Variants in XRCC3 observed in about 807,000 individuals in gnomAD.
XRCC3 encodes the protein X-ray repair cross complementing 3, also known as DNA repair protein XRCC3.
Under a neutral mutation model 29.2 loss-of-function variants are expected in XRCC3, and 34 were observed. That is an observed-to-expected ratio of 1.16 (90% CI 0.88 to 1.55). The LOEUF (loss-of-function observed/expected upper bound fraction) is 1.55, where lower values mean the gene tolerates loss of function less well. Ranked by LOEUF, XRCC3 falls within the 40% of genes most tolerant of loss-of-function variation. The probability of loss-of-function intolerance (pLI) is 0.00; values close to 1 mark genes in which losing one functional copy is unlikely to be tolerated. For synonymous variants in XRCC3, 223 were observed against 211.3 expected, an observed-to-expected ratio of 1.06 and a Z score of -0.48; for missense variants, 463 against 467.6, an observed-to-expected ratio of 0.99 and a Z score of 0.09.
chr14:103,707,476 C>T (rs1300445047), intron 5 of XRCC3: 1 of 558,808 alleles, frequency 1.8e-6, no homozygotes, highest in Non-Finnish European at 3.2e-6. Flanking sequence ...GGGGCAATTG[C>T]AGCACCAGAC....
At chr14:103,715,088 A>AGGCCGGGGGCGC (rs1282118740) in intron 1 of XRCC3, among the ~76,000 whole-genome samples, 6 of 152,164 alleles carry the variant, frequency 3.9e-5, no homozygotes, top group African/African-American at 4.8e-5. Context: ...AAGGCATCGA[A>AGGCCGGGGGCGC]GGCCGGGGGC....
In XRCC3 at chr14:103,700,454, G is replaced by A. The variant is rs2151917690; in HGVS notation, c.562-878C>T. 3 of 490,534 alleles carry A rather than the reference G, an allele frequency of 6.1e-6. No individual in the cohort carries two copies. The East Asian group carries it at 1.1e-4, about 17-fold the overall frequency. 30.4% of individuals were successfully genotyped at this position (490,534 alleles called of 1,614,324 possible). On this transcript the variant is annotated intron_variant, in intron 7 of 9. Coordinates refer to ENST00000555055, the MANE Select transcript of XRCC3 (RefSeq NM_005432.4). ...GGTGATGGGGGAGGGTGACACAGCT[G>A]CTCCTGGCACCAAGCAGTGTAGTTC...
rs2082855896 is a variant in XRCC3, at chr14:103,699,095, CCTGCA to C, written c.821+33_821+37del. On this transcript the variant is annotated intron_variant, in intron 9 of 9. Coordinates refer to ENST00000555055, the MANE Select transcript of XRCC3 (RefSeq NM_005432.4). ...CTTCGGCCCAGCTGTGCCCCTGGCA[CCTGCA>C]CAGAGGTGCACACACCACATGGCTG... The C allele has an allele frequency of 1.9e-6, 3 of 1,567,102 alleles. 1 individual carries two copies. In the Middle Eastern group the frequency reaches 5.0e-4, roughly 261 times the overall value.
intron 6 of XRCC3, chr14:103,705,051 A>AGATTTG (rs2083385700): frequency 6.6e-6 from 1 of 152,196 alleles, no homozygotes; most frequent in Admixed American, 6.5e-5. Flanking sequence ...AGAATTTCAA[A>AGATTTG]CGTAAAGAAG....
In XRCC3 at chr14:103,707,521, G is replaced by A. The variant is rs183113811; in HGVS notation, c.194-306C>T. 300 of 491,794 alleles carry A rather than the reference G, an allele frequency of 6.1e-4. 1 individual carries two copies. The highest frequency in any genetic ancestry group is 4.7e-3 in the African/African-American group (240 of 51,480). The allele number at this position is 491,794 out of a possible 1,614,324, so 30.5% of individuals were successfully genotyped here. A position where few individuals can be genotyped will look rare whatever the true frequency, so the allele number is the denominator to read the frequency against. On this transcript the variant is annotated intron_variant, in intron 5 of 9. Transcript: ENST00000555055. ...CAAAGCTTCCAGAGAGCCCCGAGGC[G>A]CTCCCTAACAGCCTCCATGTGAAGA...
At chr14:103,713,420 C>G (rs1238549706) in intron 1 of XRCC3, 1 of 152,498 alleles carries the variant, frequency 6.6e-6, no homozygotes, top group Non-Finnish European at 1.5e-5. Flanking sequence ...CAGCCCATCT[C>G]TCTACACCGG....
intron 7 of XRCC3, among the ~76,000 whole-genome samples, 161 bp from the exon 8 acceptor site, chr14:103,699,737 T>G (rs2082965635): frequency 6.6e-6 from 1 of 152,086 alleles, no homozygotes; most frequent in Admixed American, 6.5e-5. Flanking sequence ...CCCAATTCTG[T>G]ATTTTTCTCA....
chr14:103,706,637 C>T (rs1595665995), intron 6 of XRCC3: 2 of 389,726 alleles, frequency 5.1e-6, no homozygotes, highest in Non-Finnish European at 9.8e-6. Context: ...GCGGGGCACC[C>T]GGGGAAAGGC....
In XRCC3 at chr14:103,698,775, G is replaced by A. The variant is rs372513712; in HGVS notation, c.*23C>T. The stretch of plus-strand genomic sequence containing the variant: ...CGTGTGTCGGGGCTTCTCAGGCAGG[G>A]CTGTTGTGCAGCCGCCACCGTGTCA... On this transcript the variant is annotated 3_prime_UTR_variant, in exon 10 of 10. Coordinates refer to ENST00000555055, the MANE Select transcript of XRCC3 (RefSeq NM_005432.4). 278 of 1,570,736 alleles carry A rather than the reference G, an allele frequency of 1.8e-4. No individual in the cohort carries two copies. Among genetic ancestry groups the A allele is most frequent in the Non-Finnish European group, 2.3e-4 (261 of 1,158,662 alleles).
intron 7 of XRCC3, chr14:103,702,397 C>T (rs1045633490): frequency 6.6e-6 from 1 of 152,360 alleles, no homozygotes; most frequent in Non-Finnish European, 1.5e-5. Flanking sequence ...GAAACCAACA[C>T]AGCTATCTCA....
rs2083269855 is a variant in XRCC3, at chr14:103,702,629, C to T, written c.561+544G>A. On this transcript the variant is annotated intron_variant, in intron 7 of 9. Transcript: ENST00000555055. Reference sequence around the variant, plus strand: ...AAGTTGATCTGAATATGGGCATCCTCATTCTAGAACACGCTTCAAAGCTGC... The same window carrying T: ...AAGTTGATCTGAATATGGGCATCCTTATTCTAGAACACGCTTCAAAGCTGC... 1.8e-5 allele frequency: 3 copies of T among 171,210 alleles called. No individual in the cohort carries two copies. The South Asian group carries it at 4.3e-4, about 25-fold the overall frequency. 10.6% of individuals were successfully genotyped at this position (171,210 alleles called of 1,614,324 possible). A position where few individuals can be genotyped will look rare whatever the true frequency, so the allele number is the denominator to read the frequency against.
intron 7 of XRCC3, chr14:103,700,038 G>T (rs1282458979): frequency 1.1e-5 from 3 of 270,026 alleles, no homozygotes; most frequent in Non-Finnish European, 2.2e-5. Context: ...CCAGCCCGTG[G>T]TGGCCATGAC....
intron 6 of XRCC3, chr14:103,706,496 G>T (rs906747361): frequency 2.3e-6 from 1 of 428,988 alleles, no homozygotes; most frequent in Admixed American, 2.5e-5. Context: ...TTAAAACTAC[G>T]TGAACTTTTA....
At chr14:103,699,631 A>G in intron 7 of XRCC3, 55 bp from the exon 8 acceptor site, 1 of 1,580,310 alleles carries the variant, frequency 6.3e-7, no homozygotes, top group Non-Finnish European at 8.7e-7. Context: ...GCCCCAGGTG[A>G]CCAGACCCCG....
chr14:103,703,427 T>G, intron 6 of XRCC3, 100 bp from the exon 7 acceptor site: 1 of 1,358,674 alleles, frequency 7.4e-7, no homozygotes, highest in Non-Finnish European at 1.0e-6. Flanking sequence ...TCTAACTCTC[T>G]GCCCCTCACA....
Position 103,710,671 on chromosome 14 carries a change from G to A in XRCC3, c.55+362C>T, listed in dbSNP as rs995933241. ...CAGGAGAATGGTGTGAACCCCGGGA[G>A]GCGGAGCTTGCACTGAGCTGAGATC... On this transcript the variant is annotated intron_variant, in intron 4 of 9. Transcript: ENST00000555055. The A allele has an allele frequency of 1.6e-4, 34 of 218,672 alleles. 1 individual carries two copies. The East Asian group carries it at 4.0e-3, about 25-fold the overall frequency. The allele number at this position is 218,672 out of a possible 1,614,324, so 13.5% of individuals were successfully genotyped here. A position where few individuals can be genotyped will look rare whatever the true frequency, so the allele number is the denominator to read the frequency against.
At position 103,711,140 on chromosome 14, in the gene XRCC3, A is replaced by G; in HGVS notation, c.-53T>C. On this transcript the variant is annotated 5_prime_UTR_variant, in exon 4 of 10. Transcript: ENST00000555055. ...AATAACTTCCCAGGAAAGACAGAAC[A>G]ATGGATGCAAATTCTGAGGCACTCG... 2 of 1,598,700 alleles carry G rather than the reference A, an allele frequency of 1.3e-6. No homozygotes were observed. Among genetic ancestry groups the G allele is most frequent in the Non-Finnish European group, 1.7e-6 (2 of 1,166,160 alleles).
Position 103,707,058 on chromosome 14 carries a change from C to T in XRCC3, c.351G>A (p.Ala117=), listed in dbSNP as rs371455247. The change falls in exon 6 of 10, where the codon GCG becomes GCA. Residue 117 remains alanine, a synonymous_variant. Coordinates refer to ENST00000555055, the MANE Select transcript of XRCC3 (RefSeq NM_005432.4). ...ACTGCACAGCCAGGCAGAGCTGCAG[C>T]GCCAGCTGGGTCTTCCCTGCCGAGC... is the stretch of plus-strand genomic sequence containing the variant. ...GRSSAGKTQL[A]LQLCLAVQFP... is the part of the protein sequence containing the mutation. The T allele has an allele frequency of 1.5e-5, 23 of 1,564,600 alleles. No homozygotes were observed. In the African/African-American group the frequency reaches 1.6e-4, roughly 11 times the overall value.
In XRCC3 at chr14:103,711,117, T is replaced by C; in HGVS notation, c.-30A>G. The stretch of plus-strand genomic sequence containing the variant: ...TCGGTGGGCTGGCCACCAGGATGAA[T>C]AACTTCCCAGGAAAGACAGAACAAT... On this transcript the variant is annotated 5_prime_UTR_variant, in exon 4 of 10. Coordinates refer to ENST00000555055, the MANE Select transcript of XRCC3 (RefSeq NM_005432.4). 58 of 1,613,172 alleles carry C rather than the reference T, an allele frequency of 3.6e-5. No individual in the cohort carries two copies. Among genetic ancestry groups the C allele is most frequent in the Non-Finnish European group, 4.9e-5 (58 of 1,179,158 alleles).
Sources: gnomAD v4.1 joint callset for allele counts (sites outside exome capture counted in the v4.1 genomes callset) on GRCh38, gnomAD v4.1.1 for gene constraint, MANE v1.5 for transcripts, NCBI Gene and HGNC (gene_info 2026-07-23, HGNC 2026-07-21) for gene names.